CLASP2: variants seen among roughly 807,000 people sequenced by gnomAD.
The protein encoded by CLASP2 is cytoplasmic linker associated protein 2, also known as CLIP-associating protein 2.
In CLASP2, 47 loss-of-function variants were observed where a neutral mutation model predicts 194.4. That is an observed-to-expected ratio of 0.24 (90% CI 0.19 to 0.31). The LOEUF (loss-of-function observed/expected upper bound fraction) is 0.31. Ranked by LOEUF, CLASP2 falls within the 10% of genes least tolerant of loss-of-function variation. The pLI, the probability that CLASP2 is intolerant of heterozygous loss-of-function variation, is 1.00. For missense variants in CLASP2, 1,445 were observed against 1,823.6 expected, an observed-to-expected ratio of 0.79 and a Z score of 3.78; for synonymous variants, 619 against 633.5, an observed-to-expected ratio of 0.98 and a Z score of 0.34.
chr3:33,630,847 C>G (rs1279402043), intron 9 of CLASP2, among the ~76,000 whole-genome samples: 2 of 152,174 alleles, frequency 1.3e-5, no homozygotes, highest in Admixed American at 6.5e-5. Context: ...TAAAAATATT[C>G]AAGTTCAACT....
chr3:33,621,712 G>C lies in CLASP2; in HGVS notation c.1181+423C>G, dbSNP rs142969700. On this transcript the variant is annotated intron_variant, in intron 11 of 38. Coordinates refer to ENST00000682230, the MANE Select transcript of CLASP2 (RefSeq NM_001365631.1). ...GAAGTTCTATCATCCTTGTATTGTGGAAGACTACAAACTTAAAGTTTAGGT... is the reference window on the plus strand; with the variant it reads ...GAAGTTCTATCATCCTTGTATTGTGCAAGACTACAAACTTAAAGTTTAGGT... 5.3e-3 allele frequency among the ~76,000 whole-genome samples: 807 copies of C among 152,236 alleles called. 10 individuals are homozygous for C. The highest frequency in any genetic ancestry group is 0.017 in the African/African-American group (702 of 41,548).
Position 33,501,773 on chromosome 3 carries a change from G to A in CLASP2, c.4318-5C>T, listed in dbSNP as rs779277303. On this transcript the variant is annotated splice_polypyrimidine_tract_variant and splice_region_variant and intron_variant, in intron 37 of 38. Transcript: ENST00000682230. ...GCTCTCTGAATTATCATAACCCTAC[G>A]GAGAGAAGTCCACTGTTAGTACTCC... 11 of 1,593,220 alleles carry A rather than the reference G, an allele frequency of 6.9e-6. No individual in the cohort carries two copies. Among genetic ancestry groups the A allele is most frequent in the South Asian group, 3.3e-5 (3 of 90,612 alleles).
chr3:33,567,578 A>AATAAAAATCT (rs1381562081), intron 26 of CLASP2, among the ~76,000 whole-genome samples: 1 of 152,196 alleles, frequency 6.6e-6, no homozygotes, highest in Admixed American at 6.5e-5. Context: ...GAGCAGTCAA[A>AATAAAAATCT]ATAAAAATCT....
At position 33,544,662 on chromosome 3, in the gene CLASP2, C is replaced by T. The variant is rs886624425; in HGVS notation, c.3297+36G>A. ...GCAATTATTATTAAATCAACCATCACATTATATGATAGCCAAGAAAATAAG... is the reference window on the plus strand; with the variant it reads ...GCAATTATTATTAAATCAACCATCATATTATATGATAGCCAAGAAAATAAG... On this transcript the variant is annotated intron_variant, in intron 31 of 38. Transcript: ENST00000682230. 2.5e-6 allele frequency: 4 copies of T among 1,583,500 alleles called. No homozygotes were observed. The African/African-American group carries it at 4.1e-5, about 16-fold the overall frequency.
chr3:33,665,693 T>C (rs1170424535), intron 6 of CLASP2, among the ~76,000 whole-genome samples: 1 of 152,210 alleles, frequency 6.6e-6, no homozygotes, highest in Non-Finnish European at 1.5e-5. Flanking sequence ...TAACTTATCT[T>C]TAAAGCAAAC....
At chr3:33,695,273 C>A (rs144535666) in intron 2 of CLASP2, among the ~76,000 whole-genome samples, 2,666 of 136,352 alleles carry the variant, frequency 0.02, 42 homozygotes, top group Middle Eastern at 0.049. Flanking sequence ...ATTGCCCAGG[C>A]TGGTCTCAAA....
At chr3:33,672,678 A>T (rs112155600) in intron 6 of CLASP2, among the ~76,000 whole-genome samples, 5,162 of 152,292 alleles carry the variant, frequency 0.034, 260 homozygotes, top group African/African-American at 0.12. Flanking sequence ...AAAGGCAAAG[A>T]AGTTAAAAAC....
intron 2 of CLASP2, among the ~76,000 whole-genome samples, chr3:33,693,683 T>G (rs1575632076): frequency 6.6e-6 from 1 of 152,156 alleles, no homozygotes. Context: ...AATTAATTGA[T>G]AGCAAAGCTG....
chr3:33,497,697 C>G lies in CLASP2; in HGVS notation c.*934G>C, dbSNP rs2045974329. ...AAAGGTGCTGGTCACTCCCATGTCT[C>G]GATAATTTGTTTATTACGTGAGAAA... is the stretch of plus-strand genomic sequence containing the variant. On this transcript the variant is annotated 3_prime_UTR_variant, in exon 39 of 39. Coordinates refer to ENST00000682230, the MANE Select transcript of CLASP2 (RefSeq NM_001365631.1). 1 of 152,502 alleles carries G rather than the reference C, an allele frequency of 6.6e-6. No homozygotes were observed. The highest frequency in any genetic ancestry group is 2.1e-4 in the South Asian group (1 of 4,828). The allele number at this position is 152,502 out of a possible 1,614,324, so 9.4% of individuals were successfully genotyped here.
At chr3:33,534,719 T>C (rs1226508703) in intron 34 of CLASP2, among the ~76,000 whole-genome samples, 1 of 152,198 alleles carries the variant, frequency 6.6e-6, no homozygotes, top group Non-Finnish European at 1.5e-5. Context: ...AAGTTAACCA[T>C]CTTGCCAGGC....
intron 23 of CLASP2, among the ~76,000 whole-genome samples, chr3:33,576,802 C>T (rs972770485): frequency 5.9e-5 from 9 of 152,078 alleles, no homozygotes; most frequent in South Asian, 4.1e-4. Context: ...ACTATGTGCC[C>T]GACATTCTGA....
At chr3:33,683,645 A>G (rs1440166275) in intron 6 of CLASP2, 2 of 152,438 alleles carry the variant, frequency 1.3e-5, no homozygotes, top group African/African-American at 4.8e-5. Context: ...AAAAATTTGA[A>G]CCTATTTAAA....
At chr3:33,523,509 TA>T (rs2053704168) in intron 34 of CLASP2, among the ~76,000 whole-genome samples, 1 of 152,202 alleles carries the variant, frequency 6.6e-6, no homozygotes. Flanking sequence ...AGTAGGCTGA[TA>T]TATTCAAAGT....
rs537465816 is a variant in CLASP2 at position 33,611,887 on chromosome 3, T to A, written c.1388+114A>T. On this transcript the variant is annotated intron_variant, in intron 13 of 38. Coordinates refer to ENST00000682230, the MANE Select transcript of CLASP2 (RefSeq NM_001365631.1). ...AAAAAAACAAAACAAAACACTTTTT[T>A]ATGGTTTTCTGGAAGGCAAGAAATG... 4 of 711,748 alleles carry A rather than the reference T, an allele frequency of 5.6e-6. No homozygotes were observed. In the African/African-American group the frequency reaches 7.1e-5, roughly 13 times the overall value. The allele number at this position is 711,748 out of a possible 1,614,324, so 44.1% of individuals were successfully genotyped here. A position where few individuals can be genotyped will look rare whatever the true frequency, so the allele number is the denominator to read the frequency against.
chr3:33,678,420 C>A (rs1288818476), intron 6 of CLASP2, among the ~76,000 whole-genome samples: 1 of 152,136 alleles, frequency 6.6e-6, no homozygotes, highest in Non-Finnish European at 1.5e-5. Flanking sequence ...ATAAAAACTA[C>A]ATCCCACTTC....
chr3:33,623,045 C>T (rs1000679090), intron 10 of CLASP2, among the ~76,000 whole-genome samples: 6 of 152,040 alleles, frequency 3.9e-5, no homozygotes, highest in South Asian at 4.1e-4. Context: ...CTGGCTTCAA[C>T]GGATCCACCC....
At chr3:33,548,216 G>C (rs2059448167) in intron 30 of CLASP2, among the ~76,000 whole-genome samples, 1 of 151,992 alleles carries the variant, frequency 6.6e-6, no homozygotes, top group African/African-American at 2.4e-5. Flanking sequence ...AAGCTCAGTA[G>C]TTAAAATAAT....
rs981730426 is a variant in CLASP2, at chr3:33,707,412, A to G, written c.195+10396T>C. On this transcript the variant is annotated intron_variant, in intron 1 of 38. Coordinates refer to ENST00000682230, the MANE Select transcript of CLASP2 (RefSeq NM_001365631.1). ...ATATACCTACCATTCTATATAAACCATATCACTAGGTAATCAAATAACTGT... is the reference window on the plus strand; with the variant it reads ...ATATACCTACCATTCTATATAAACCGTATCACTAGGTAATCAAATAACTGT... 3.3e-5 allele frequency among the ~76,000 whole-genome samples: 5 copies of G among 152,354 alleles called. No homozygotes were observed. The South Asian group carries it at 6.2e-4, about 19-fold the overall frequency.
chr3:33,597,596 G>A (rs1324864579), intron 18 of CLASP2, among the ~76,000 whole-genome samples: 1 of 152,016 alleles, frequency 6.6e-6, no homozygotes, highest in East Asian at 1.9e-4. Flanking sequence ...GGTAATTGTG[G>A]CTGGTTGTGC....
Sources: allele counts gnomAD v4.1 joint callset (sites outside exome capture counted in the v4.1 genomes callset), GRCh38; gene constraint gnomAD v4.1.1; transcripts MANE v1.5; gene names NCBI Gene and HGNC (gene_info 2026-07-23, HGNC 2026-07-21).